RUVBL1: variants seen among roughly 807,000 people sequenced by gnomAD.
RUVBL1 encodes ruvB-like 1.
In RUVBL1, 4 loss-of-function variants were observed where a neutral mutation model predicts 52.4. The ratio of observed to expected loss-of-function variants is 0.08; its 90% CI spans 0.04 to 0.17. RUVBL1 has a LOEUF of 0.17. Among genes scored for constraint, RUVBL1 ranks in the 10% least tolerant of loss-of-function variants. RUVBL1 has a pLI of 1.00. For missense variants in RUVBL1, 298 were observed against 572.8 expected, an observed-to-expected ratio of 0.52 and a Z score of 4.90; for synonymous variants, 217 against 214.4, an observed-to-expected ratio of 1.01 and a Z score of -0.10.
At chr3:128,089,213 C>G (rs958409636) in intron 8 of RUVBL1, among the ~76,000 whole-genome samples, 1 of 152,222 alleles carries the variant, frequency 6.6e-6, no homozygotes, top group African/African-American at 2.4e-5. Context: ...CTATTTTTCT[C>G]TTGAACCCTT....
chr3:128,123,821 T>A, upstream of RUVBL1: 2 of 1,441,546 alleles, frequency 1.4e-6, no homozygotes, highest in Non-Finnish European at 1.8e-6. Flanking sequence ...CTAGGGCAAT[T>A]TGCAAAGGCC....
At chr3:128,134,255 G>C (rs985299256) in intron 1 of RUVBL1, among the ~76,000 whole-genome samples, 6 of 148,264 alleles carry the variant, frequency 4.0e-5, no homozygotes, top group African/African-American at 1.5e-4. Context: ...TTGAGGTCAG[G>C]AGTTTGAGAC....
Position 128,082,815 on chromosome 3 carries a change from A to C in RUVBL1, c.1120-241T>G. 2.6e-6 allele frequency: 1 copy of C among 378,578 alleles called. No individual in the cohort carries two copies. Among genetic ancestry groups the C allele is most frequent in the Non-Finnish European group, 4.9e-6 (1 of 205,484 alleles). The allele number at this position is 378,578 out of a possible 1,614,324, so 23.5% of individuals were successfully genotyped here. ...ACGGCCAGTGTGCTGTATTCAACTG[A>C]CTCAAGTGTGGCTGGTGCCCAAGGA... On this transcript the variant is annotated intron_variant, in intron 9 of 10. Transcript: ENST00000322623. This position sits in a 1 kb window ranked among gnomAD's most constrained non-coding sequence, Gnocchi z 4.7.
Position 128,067,158 on chromosome 3 carries a change from A to C in RUVBL1, c.940-1938T>G, listed in dbSNP as rs919505633. The stretch of plus-strand genomic sequence containing the variant: ...CCTGCTGGGCACCTGGTCGGTAAGT[A>C]GGCTCTTTGAAGATGAGCTAGCAAT... On this transcript the variant is annotated intron_variant, in intron 9 of 9. Coordinates refer to the RUVBL1 transcript ENST00000464873. This position sits in a 1 kb window ranked among gnomAD's most constrained non-coding sequence, Gnocchi z 4.1. The C allele has an allele frequency of 3.2e-5, 51 of 1,613,748 alleles. No homozygotes were observed. Among genetic ancestry groups the C allele is most frequent in the Non-Finnish European group, 4.2e-5 (50 of 1,179,726 alleles).
At chr3:128,100,860 T>A in intron 5 of RUVBL1, 116 bp from the exon 6 acceptor site, 1 of 1,191,384 alleles carries the variant, frequency 8.4e-7, no homozygotes, top group Non-Finnish European at 1.2e-6. Context: ...ACAGCCTACT[T>A]GACAAACTCC....
intron 1 of RUVBL1, among the ~76,000 whole-genome samples, chr3:128,151,162 CTATA>C (rs898540951): frequency 1.7e-4 from 21 of 125,678 alleles, no homozygotes; most frequent in Non-Finnish European, 3.2e-4. Context: ...TATATATATT[CTATA>C]TATACTCTAT....
downstream of RUVBL1, among the ~76,000 whole-genome samples, chr3:128,079,520 C>A (rs9818016): frequency 0.07 from 10,710 of 152,176 alleles, 992 homozygotes; most frequent in East Asian, 0.35. Context: ...TAAGCTCTTG[C>A]TGCATCTCTC....
chr3:128,150,986 A>ATATATATTATATATATTATAT (rs1944196152), intron 1 of RUVBL1, among the ~76,000 whole-genome samples: 2 of 75,866 alleles, frequency 2.6e-5, no homozygotes, highest in Non-Finnish European at 4.5e-5. Context: ...TATATATTCT[A>ATATATATTATATATATTATAT]TATATATTAT....
intron 2 of RUVBL1, among the ~76,000 whole-genome samples, chr3:128,115,519 C>T (rs1385381469): frequency 1.3e-5 from 2 of 152,140 alleles, no homozygotes; most frequent in African/African-American, 2.4e-5. Context: ...CTGCAGCAAA[C>T]CATTAAGCAG....
chr3:128,070,664 G>C (rs1047761185), intron 9 of RUVBL1: 5 of 152,318 alleles, frequency 3.3e-5, no homozygotes, highest in African/African-American at 1.2e-4. Flanking sequence ...TCCTTTCTGC[G>C]TCACCAGTGT....
intron 3 of RUVBL1, among the ~76,000 whole-genome samples, chr3:128,111,510 AAC>A (rs1195940098): frequency 2.0e-5 from 3 of 152,078 alleles, no homozygotes; most frequent in African/African-American, 7.2e-5. Flanking sequence ...CTACCATGCA[AAC>A]ACACCCAGAA....
chr3:128,097,552 T>G (rs1943012316), intron 7 of RUVBL1, 54 bp from the exon 8 acceptor site: 7 of 1,488,390 alleles, frequency 4.7e-6, no homozygotes, highest in Admixed American at 1.7e-5. Flanking sequence ...GGGGAGACTA[T>G]CGCCTTTTCT....
At chr3:128,121,502 G>T (rs907020904) in intron 1 of RUVBL1, among the ~76,000 whole-genome samples, 1 of 151,236 alleles carries the variant, frequency 6.6e-6, no homozygotes, top group African/African-American at 2.4e-5. Context: ...CTGAGGTCAG[G>T]AGTTCAAGAC....
downstream of RUVBL1, among the ~76,000 whole-genome samples, chr3:128,076,906 T>C (rs796973968): frequency 2.6e-5 from 4 of 152,244 alleles, no homozygotes; most frequent in African/African-American, 9.6e-5. This position sits in a 1 kb window ranked among gnomAD's most constrained non-coding sequence, Gnocchi z 6.8. Context: ...TCCCCGCAGC[T>C]GCCGGCGTCC....
At chr3:128,123,841 C>T, upstream of RUVBL1, 1 of 1,365,392 alleles carries the variant, frequency 7.3e-7, no homozygotes, top group South Asian at 1.7e-5. Context: ...CCGCCTAGAC[C>T]GGCTTTCCAT....
intron 1 of RUVBL1, among the ~76,000 whole-genome samples, chr3:128,121,501 G>A (rs1297129983): frequency 6.6e-6 from 1 of 151,500 alleles, no homozygotes; most frequent in African/African-American, 2.4e-5. Flanking sequence ...CCTGAGGTCA[G>A]GAGTTCAAGA....
At chr3:128,124,411 A>G (rs1291226281), upstream of RUVBL1, among the ~76,000 whole-genome samples, 1 of 152,140 alleles carries the variant, frequency 6.6e-6, no homozygotes, top group Non-Finnish European at 1.5e-5. Context: ...GCATGCAGCT[A>G]CAAACAAGCG....
In RUVBL1 at chr3:128,082,631, A is replaced by G. The variant is rs1942514145; in HGVS notation, c.1120-57T>C. 1.6e-6 allele frequency: 2 copies of G among 1,284,484 alleles called. No individual in the cohort carries two copies. Among genetic ancestry groups the G allele is most frequent in the Non-Finnish European group, 2.2e-6 (2 of 903,254 alleles). 79.6% of individuals were successfully genotyped at this position (1,284,484 alleles called of 1,614,324 possible). A position where few individuals can be genotyped will look rare whatever the true frequency, so the allele number is the denominator to read the frequency against. ...GACTGACCTCAAGTGCCCCATTTCT[A>G]AAGTGCTTTAAAGACAATGTTGCTC... On this transcript the variant is annotated intron_variant, in intron 9 of 10. Transcript: ENST00000322623. This position sits in a 1 kb window ranked among gnomAD's most constrained non-coding sequence, Gnocchi z 4.7.
At chr3:128,104,515 AC>A (rs1267136470) in intron 4 of RUVBL1, among the ~76,000 whole-genome samples, 1 of 152,192 alleles carries the variant, frequency 6.6e-6, no homozygotes, top group African/African-American at 2.4e-5. Context: ...TCTTGACTTA[AC>A]CACACAGCTC....
Sources: gnomAD v4.1 joint callset for allele counts (sites outside exome capture counted in the v4.1 genomes callset) on GRCh38, gnomAD v4.1.1 for gene constraint, Gnocchi (gnomAD v3.1) non-coding constraint, MANE v1.5 for transcripts, NCBI Gene and HGNC (gene_info 2026-07-23, HGNC 2026-07-21) for gene names.